Variants in FRMD5 observed in about 807,000 individuals in gnomAD.
The protein encoded by FRMD5 is FERM domain-containing protein 5.
Under a neutral mutation model 69.0 loss-of-function variants are expected in FRMD5, and 20 were observed. The ratio of observed to expected loss-of-function variants is 0.29; its 90% confidence interval spans 0.20 to 0.42. FRMD5 has a LOEUF of 0.42. FRMD5 is among the 10% of genes least tolerant of loss of function. The pLI, the probability that FRMD5 is intolerant of heterozygous loss-of-function variation, is 1.00. For synonymous variants in FRMD5, 271 were observed against 260.1 expected (o/e 1.04, Z -0.40); for missense variants, 595 against 708.6 (o/e 0.84, Z 1.82).
At chr15:43,925,818 C>G (rs188822703) in intron 1 of FRMD5, among the ~76,000 whole-genome samples, 2 of 152,356 alleles carry the variant, frequency 1.3e-5, no homozygotes, top group African/African-American at 4.8e-5. Context: ...TGCAGCCACT[C>G]CTATTTTTTG....
chr15:43,958,856 T>A (rs980804734), intron 1 of FRMD5, among the ~76,000 whole-genome samples: 2 of 152,228 alleles, frequency 1.3e-5, no homozygotes, highest in Non-Finnish European at 2.9e-5. Flanking sequence ...GTGGTCTCTA[T>A]GGCTATGTCA....
intron 1 of FRMD5, among the ~76,000 whole-genome samples, chr15:44,172,203 A>G (rs1367175732): frequency 6.9e-6 from 1 of 145,202 alleles, no homozygotes; most frequent in African/African-American, 2.6e-5. Flanking sequence ...TGATCTTCCC[A>G]CCTCAGCCTC....
intron 1 of FRMD5, among the ~76,000 whole-genome samples, chr15:43,959,499 T>C (rs1759776941): frequency 6.6e-6 from 1 of 152,180 alleles, no homozygotes. Context: ...TAATAGCTGA[T>C]TTAGATTTTA....
chr15:44,019,335 T>C (rs573505035), intron 1 of FRMD5, among the ~76,000 whole-genome samples: 11 of 152,090 alleles, frequency 7.2e-5, no homozygotes, highest in Non-Finnish European at 1.3e-4. Context: ...TGCTTACTGA[T>C]GATGATCTAA....
intron 1 of FRMD5, among the ~76,000 whole-genome samples, chr15:44,111,969 G>A (rs1595476160): frequency 1.3e-5 from 2 of 151,356 alleles, no homozygotes; most frequent in African/African-American, 2.4e-5. Flanking sequence ...TCAGCCTCCC[G>A]AGTAGCTGGG....
intron 1 of FRMD5, among the ~76,000 whole-genome samples, chr15:43,952,513 C>T (rs893613255): frequency 1.3e-5 from 2 of 152,228 alleles, no homozygotes; most frequent in East Asian, 1.9e-4. Flanking sequence ...TCTTTCCATG[C>T]GCTGCTGCAT....
chr15:44,010,306 ACAAT>A (rs201873032), intron 1 of FRMD5, among the ~76,000 whole-genome samples: 1,789 of 152,312 alleles, frequency 0.012, 27 homozygotes, highest in African/African-American at 0.04. Context: ...TTACCCAGAA[ACAAT>A]CAGTTACCAG....
chr15:44,053,855 G>A (rs937418224), intron 1 of FRMD5, among the ~76,000 whole-genome samples: 4 of 152,212 alleles, frequency 2.6e-5, no homozygotes, highest in African/African-American at 7.2e-5. Context: ...AACTGAAGCT[G>A]TAAGCACAGA....
intron 1 of FRMD5, among the ~76,000 whole-genome samples, chr15:44,139,480 T>C (rs2077234980): frequency 6.6e-6 from 1 of 151,924 alleles, no homozygotes; most frequent in Admixed American, 6.5e-5. Context: ...GCCAAAATGA[T>C]GCAGAAAGTT....
chr15:43,968,906 C>T (rs2090334711), intron 1 of FRMD5, among the ~76,000 whole-genome samples: 2 of 152,014 alleles, frequency 1.3e-5, no homozygotes, highest in East Asian at 3.8e-4. Flanking sequence ...TTTATTTTCA[C>T]AAAAATCCTA....
At chr15:44,139,211 G>T (rs957113090) in intron 1 of FRMD5, among the ~76,000 whole-genome samples, 1 of 151,758 alleles carries the variant, frequency 6.6e-6, no homozygotes, top group African/African-American at 2.4e-5. Context: ...AATTTTGATA[G>T]AAATTTTTAT....
intron 1 of FRMD5, among the ~76,000 whole-genome samples, chr15:43,960,177 C>T (rs1237506308): frequency 6.6e-6 from 1 of 152,210 alleles, no homozygotes; most frequent in Non-Finnish European, 1.5e-5. Flanking sequence ...CAAACTCCGC[C>T]TCTAGGGTTC....
chr15:44,099,985 A>T (rs2076613576), intron 1 of FRMD5, among the ~76,000 whole-genome samples: 1 of 151,354 alleles, frequency 6.6e-6, no homozygotes, highest in African/African-American at 2.4e-5. Flanking sequence ...CTACACTCTG[A>T]GTCTAGCCAC....
rs767882395 is a variant in FRMD5 at position 44,027,639 on chromosome 15, GT to G, written c.103-103331del. ...AAACCTGTGCTGACTTTCTTTTCTA[GT>G]TTTTTTTTTTGTTTTTTTTTTTTTT... On this transcript the variant is annotated intron_variant, in intron 1 of 13. Transcript: ENST00000417257. Among the ~76,000 whole-genome samples, 6 of 27,050 alleles carry G rather than the reference GT, an allele frequency of 2.2e-4. No homozygotes were observed. The Admixed American group carries it at 2.4e-3, about 11-fold the overall frequency. The allele number at this position is 27,050 out of a possible 152,430, so 17.7% of individuals were successfully genotyped here. A position where few individuals can be genotyped will look rare whatever the true frequency, so the allele number is the denominator to read the frequency against.
chr15:43,966,883 T>G (rs2090303029), intron 1 of FRMD5, among the ~76,000 whole-genome samples: 1 of 152,158 alleles, frequency 6.6e-6, no homozygotes, highest in Non-Finnish European at 1.5e-5. Context: ...GGATGATTTT[T>G]CCAGCAGTAG....
intron 1 of FRMD5, among the ~76,000 whole-genome samples, chr15:44,009,906 A>G (rs1293974665): frequency 6.6e-6 from 1 of 152,220 alleles, no homozygotes; most frequent in South Asian, 2.1e-4. Flanking sequence ...AGAAATTCAA[A>G]TAAGAATTCT....
chr15:44,038,930 C>G, intron 1 of FRMD5, among the ~76,000 whole-genome samples: 1 of 152,310 alleles, frequency 6.6e-6, no homozygotes, highest in East Asian at 1.9e-4. Flanking sequence ...AAGCTAAGAT[C>G]CACTGGCTTG....
intron 1 of FRMD5, among the ~76,000 whole-genome samples, chr15:44,147,165 A>G (rs1410199926): frequency 3.3e-5 from 5 of 152,130 alleles, no homozygotes; most frequent in Non-Finnish European, 5.9e-5. Context: ...TAATTTTTGT[A>G]TAAGGTGTAA....
Position 44,150,889 on chromosome 15 carries a change from C to T in FRMD5, c.102+44064G>A, listed in dbSNP as rs373993968. Among the ~76,000 whole-genome samples, 19 of 151,998 alleles carry T rather than the reference C, an allele frequency of 1.3e-4. No individual in the cohort carries two copies. In the South Asian group the frequency reaches 1.5e-3, roughly 12 times the overall value. ...GGTGGATCAATTGAGATCAGGAGTTCGAGACCAGCCTGGCCAACATGGCAA... is the reference window on the plus strand; with the variant it reads ...GGTGGATCAATTGAGATCAGGAGTTTGAGACCAGCCTGGCCAACATGGCAA... On this transcript the variant is annotated intron_variant, in intron 1 of 13. Coordinates refer to ENST00000417257, the MANE Select transcript of FRMD5 (RefSeq NM_032892.5).
Sources: allele counts gnomAD v4.1 joint callset (sites outside exome capture counted in the v4.1 genomes callset), GRCh38; gene constraint gnomAD v4.1.1; transcripts MANE v1.5; gene names NCBI Gene and HGNC (gene_info 2026-07-23, HGNC 2026-07-21).